The following KSR2 variants were observed in gnomAD, a reference collection of about 807,000 sequenced individuals.
KSR2 encodes kinase suppressor of ras 2.
A neutral mutation model predicts 107.8 loss-of-function variants in KSR2; 25 were observed. That is an observed-to-expected ratio of 0.23 (90% CI 0.17 to 0.32). The LOEUF (loss-of-function observed/expected upper bound fraction) is 0.32, where lower values mean the gene tolerates loss of function less well. Ranked by LOEUF, KSR2 falls within the 10% of genes least tolerant of loss-of-function variation. The pLI, the probability that KSR2 is intolerant of heterozygous loss-of-function variation, is 1.00. For synonymous variants in KSR2, 480 were observed against 507.0 expected (o/e 0.95, Z 0.71); for missense variants, 887 against 1,268.9 (o/e 0.70, Z 4.57).
chr12:117,805,062 T>C (rs1194484550), intron 3 of KSR2, among the ~76,000 whole-genome samples: 1 of 152,198 alleles, frequency 6.6e-6, no homozygotes, highest in African/African-American at 2.4e-5. Flanking sequence ...GATGTGGGAC[T>C]TTCAGTACTA....
intron 4 of KSR2, among the ~76,000 whole-genome samples, chr12:117,695,928 G>C (rs1046527268): frequency 1.4e-4 from 22 of 152,154 alleles, no homozygotes; most frequent in African/African-American, 5.1e-4. Flanking sequence ...CCATCCGTTG[G>C]CAAATGGAAG....
At chr12:117,553,988 G>A (rs908656683) in intron 9 of KSR2, among the ~76,000 whole-genome samples, 4 of 152,100 alleles carry the variant, frequency 2.6e-5, no homozygotes, top group African/African-American at 4.8e-5. Context: ...CTTCTTGTAC[G>A]GCCTGCAGAA....
At chr12:117,674,025 C>T (rs1026818165) in intron 4 of KSR2, among the ~76,000 whole-genome samples, 3 of 152,162 alleles carry the variant, frequency 2.0e-5, no homozygotes, top group Non-Finnish European at 4.4e-5. Flanking sequence ...TAAGCCAAGG[C>T]TGCACATCTG....
In KSR2 at chr12:117,485,643, G is replaced by T; in HGVS notation, c.2268C>A (p.Ile756=). ...GCCTGGTTTTGTTGACATCCAAAAC[G>T]ATTTTGGCATCCCTCACAACGGAAT... is the stretch of plus-strand genomic sequence containing the variant. ...TLYSVVRDAK[I]VLDVNKTRQI... The change falls in exon 15 of 20, where the codon ATC becomes ATA. Residue 756 remains isoleucine, a synonymous_variant. Coordinates refer to ENST00000339824, the MANE Select transcript of KSR2 (RefSeq NM_173598.6). The T allele has an allele frequency of 6.2e-7, 1 of 1,613,594 alleles. No individual in the cohort carries two copies.
intron 3 of KSR2, among the ~76,000 whole-genome samples, chr12:117,854,702 G>C (rs1411718708): frequency 6.6e-6 from 1 of 152,120 alleles, no homozygotes; most frequent in Non-Finnish European, 1.5e-5. Flanking sequence ...AGAATTTGCA[G>C]AAAAATCATG....
chr12:117,815,689 T>TG (rs930347805), intron 3 of KSR2, among the ~76,000 whole-genome samples: 1 of 151,760 alleles, frequency 6.6e-6, no homozygotes, highest in Non-Finnish European at 1.5e-5. Context: ...AGTGTGTGTG[T>TG]GGGGGGCGCA....
chr12:117,823,740 T>C (rs951293955), intron 3 of KSR2, among the ~76,000 whole-genome samples: 6 of 152,208 alleles, frequency 3.9e-5, no homozygotes, highest in African/African-American at 1.2e-4. Context: ...CACATACTGA[T>C]AGGAGATCAA....
At chr12:117,651,127 C>A (rs1462147525) in intron 5 of KSR2, among the ~76,000 whole-genome samples, 1 of 152,186 alleles carries the variant, frequency 6.6e-6, no homozygotes, top group Admixed American at 6.5e-5. Context: ...CCAGAAGGAA[C>A]AACTTCCCCA....
rs1871016280 is a variant in KSR2, at chr12:117,463,727, C to T, written c.*3472G>A. 2 of 152,288 alleles carry T rather than the reference C, an allele frequency of 1.3e-5. No individual in the cohort carries two copies. Among genetic ancestry groups the T allele is most frequent in the African/African-American group, 4.8e-5 (2 of 41,418 alleles). 9.4% of individuals were successfully genotyped at this position (152,288 alleles called of 1,614,324 possible). A position where few individuals can be genotyped will look rare whatever the true frequency, so the allele number is the denominator to read the frequency against. Reference sequence around the variant, plus strand: ...TCAAGATAATGATTGGCCTGAGCTCCGTGTCTACTACTTCCTCCGTGTACC... The same window carrying T: ...TCAAGATAATGATTGGCCTGAGCTCTGTGTCTACTACTTCCTCCGTGTACC... On this transcript the variant is annotated 3_prime_UTR_variant, in exon 20 of 20. Transcript: ENST00000339824.
intron 5 of KSR2, among the ~76,000 whole-genome samples, chr12:117,597,737 G>A (rs1165709811): frequency 6.6e-6 from 1 of 152,210 alleles, no homozygotes; most frequent in African/African-American, 2.4e-5. Context: ...ACGTAGCCAA[G>A]TATTAAATAT....
rs1893774928 is a variant in KSR2 at position 117,874,751 on chromosome 12, G to A, written c.181-14320C>T. ...GCCTTTGTATGGCTTCACCCTGCCA[G>A]GCGGCCTAATTGATATTTAGGTCGA... On this transcript the variant is annotated intron_variant, in intron 1 of 19. Coordinates refer to ENST00000339824, the MANE Select transcript of KSR2 (RefSeq NM_173598.6). 2.0e-5 allele frequency among the ~76,000 whole-genome samples: 3 copies of A among 152,226 alleles called. No individual in the cohort carries two copies. In the South Asian group the frequency reaches 6.2e-4, roughly 32 times the overall value.
At chr12:117,569,022 C>A (rs1268699672) in intron 7 of KSR2, among the ~76,000 whole-genome samples, 1 of 152,256 alleles carries the variant, frequency 6.6e-6, no homozygotes, top group African/African-American at 2.4e-5. Flanking sequence ...GCAGCAGCTG[C>A]GACATCAGCA....
At chr12:117,957,834 T>C (rs1383693308) in intron 1 of KSR2, among the ~76,000 whole-genome samples, 1 of 35,728 alleles carries the variant, frequency 2.8e-5, no homozygotes, top group African/African-American at 1.0e-4. Context: ...TGACCACCTT[T>C]TTTTTTTTTT....
At chr12:117,796,786 A>T (rs73402849) in intron 3 of KSR2, among the ~76,000 whole-genome samples, 5,737 of 151,980 alleles carry the variant, frequency 0.038, 389 homozygotes, top group African/African-American at 0.13. Context: ...GGCTCAATTA[A>T]CCCCGTAGAT....
intron 1 of KSR2, among the ~76,000 whole-genome samples, chr12:117,901,632 C>T (rs1337595317): frequency 1.3e-5 from 2 of 151,230 alleles, no homozygotes; most frequent in Middle Eastern, 6.8e-3. Context: ...AATTAAAACG[C>T]AAAAAAGAAA....
At chr12:117,482,423 G>C (rs1305903151) in intron 16 of KSR2, among the ~76,000 whole-genome samples, 1 of 152,196 alleles carries the variant, frequency 6.6e-6, no homozygotes, top group Non-Finnish European at 1.5e-5. Context: ...ATGGTTCATT[G>C]CAGAATAAAG....
rs11835125 is a variant in KSR2, at chr12:117,524,503, C to T, written c.2219+349G>A. ...CAACATAGCAAGACCCCATCTCTAC[C>T]AAAAAATTAAAAAATTAGCCAGGTG... On this transcript the variant is annotated intron_variant, in intron 14 of 19. Transcript: ENST00000339824. Among the ~76,000 whole-genome samples the T allele has an allele frequency of 5.7e-3, 867 of 151,960 alleles. 10 individuals are homozygous for T. Among genetic ancestry groups the T allele is most frequent in the African/African-American group, 0.02 (824 of 41,448 alleles).
At chr12:117,778,443 T>C (rs979973650) in intron 3 of KSR2, among the ~76,000 whole-genome samples, 1 of 152,222 alleles carries the variant, frequency 6.6e-6, no homozygotes. Context: ...GATAACAGTA[T>C]TGGTATCATG....
At chr12:117,828,058 C>T (rs916199725) in intron 3 of KSR2, among the ~76,000 whole-genome samples, 4 of 152,172 alleles carry the variant, frequency 2.6e-5, no homozygotes, top group African/African-American at 7.2e-5. Flanking sequence ...TTCACAGACT[C>T]GAACACCAAG....
Sources: gnomAD v4.1 joint callset for allele counts (sites outside exome capture counted in the v4.1 genomes callset) on GRCh38, gnomAD v4.1.1 for gene constraint, MANE v1.5 for transcripts, NCBI Gene and HGNC (gene_info 2026-07-23, HGNC 2026-07-21) for gene names.